KIF1A: variants seen among roughly 807,000 people sequenced by gnomAD.
The protein encoded by KIF1A is kinesin family member 1A.
In KIF1A, 46 loss-of-function variants were observed where a neutral mutation model predicts 227.3. The observed-to-expected ratio is 0.20, with a 90% CI of 0.16 to 0.26. KIF1A has a LOEUF of 0.26. Among genes scored for constraint, KIF1A ranks in the 10% least tolerant of loss-of-function variants. The pLI is 1.00. For missense variants in KIF1A, 1,683 were observed against 2,485.9 expected, an observed-to-expected ratio of 0.68 and a Z score of 6.87; for synonymous variants, 1,022 against 1,012.8, an observed-to-expected ratio of 1.01 and a Z score of -0.17.
chr2:240,747,275 T>A lies in KIF1A; in HGVS notation c.3024A>T (p.Gly1008=). The A allele has an allele frequency of 6.2e-7, 1 of 1,613,496 alleles. No homozygotes were observed. The highest frequency in any genetic ancestry group is 1.3e-5 in the African/African-American group (1 of 75,000). Reference sequence around the variant, plus strand: ...GGTCATCAAAGGAGATTTTAGCAGTTCCCGACTGGCGGACGCCAGAGCCAT... The same window carrying A: ...GGTCATCAAAGGAGATTTTAGCAGTACCCGACTGGCGGACGCCAGAGCCAT... ...PDYGSGVRQS[G]TAKISFDDQH... Residue 1008 remains glycine, a synonymous_variant, in exon 29 of 49, where the codon GGA becomes GGT. Transcript: ENST00000498729.
At position 240,793,946 on chromosome 2, in the gene KIF1A, C is replaced by A. The variant is rs1009435608; in HGVS notation, c.106+3701G>T. ...GCCATCTTCCGAGGGGCCTGGCACA[C>A]CAGCCAGGGCAGCCACTCCCAATTC... On this transcript the variant is annotated intron_variant, in intron 2 of 48. Coordinates refer to ENST00000498729, the MANE Select transcript of KIF1A (RefSeq NM_001244008.2). This position sits in a 1 kb window ranked among gnomAD's most constrained non-coding sequence, Gnocchi z 4.8. 2.6e-5 allele frequency among the ~76,000 whole-genome samples: 4 copies of A among 152,306 alleles called. No individual in the cohort carries two copies. The highest frequency in any genetic ancestry group is 9.6e-5 in the African/African-American group (4 of 41,556).
In KIF1A at chr2:240,793,725, G is replaced by A. The variant is rs780553486; in HGVS notation, c.106+3922C>T. The stretch of plus-strand genomic sequence containing the variant: ...GATTATTTATGCAGGTGATGATTAC[G>A]GGATAACAGTTAAATTTACTTTCAA... On this transcript the variant is annotated intron_variant, in intron 2 of 48. Coordinates refer to ENST00000498729, the MANE Select transcript of KIF1A (RefSeq NM_001244008.2). The surrounding 1 kb of genome is among the most constrained non-coding windows in gnomAD (Gnocchi z 4.8). 1.3e-5 allele frequency among the ~76,000 whole-genome samples: 2 copies of A among 152,222 alleles called. No homozygotes were observed. The highest frequency in any genetic ancestry group is 1.5e-5 in the Non-Finnish European group (1 of 68,046).
At chr2:240,750,363 G>T in intron 28 of KIF1A, 66 bp downstream of exon 28, 1 of 1,234,894 alleles carries the variant, frequency 8.1e-7, no homozygotes, top group Non-Finnish European at 1.2e-6. Context: ...CCACGCCTCT[G>T]CCTGCAAAGG....
At chr2:240,786,813 C>CCCCTGAGTGAGAGGGTGGGGGCCAGTAT (rs2054976021) in intron 5 of KIF1A, among the ~76,000 whole-genome samples, 1 of 129,848 alleles carries the variant, frequency 7.7e-6, no homozygotes, top group Non-Finnish European at 1.7e-5. Context: ...GCCATCAGGA[C>CCCCTGAGTGAGAGGGTGGGGGCCAGTAT]CCCTGAGTGA....
intron 27 of KIF1A, among the ~76,000 whole-genome samples, chr2:240,755,760 C>T (rs2049774308): frequency 6.6e-6 from 1 of 152,198 alleles, no homozygotes. Context: ...AGAGCCCCAC[C>T]CCACTTCTCC....
At chr2:240,769,268 C>A (rs1402317803) in intron 16 of KIF1A, 60 bp from the exon 17 acceptor site, 1 of 1,462,708 alleles carries the variant, frequency 6.8e-7, no homozygotes, top group Non-Finnish European at 9.3e-7. Context: ...CTGGCCTCAG[C>A]CCTGGCTGAC....
chr2:240,799,029 C>T (rs1377598294), intron 1 of KIF1A, among the ~76,000 whole-genome samples: 3 of 152,206 alleles, frequency 2.0e-5, no homozygotes, highest in South Asian at 2.1e-4. Context: ...GTAAGTGCCA[C>T]CCTTGGGGGA....
rs202164471 is a variant in KIF1A at position 240,719,785 on chromosome 2, C to T, written c.5010G>A (p.Glu1670=). 5.7e-6 allele frequency: 9 copies of T among 1,590,228 alleles called. No individual in the cohort carries two copies. Among genetic ancestry groups the T allele is most frequent in the Middle Eastern group, 1.7e-4 (1 of 5,880 alleles). ...PQRLLVPDIQ[E]IRVSPIVSKK... ...GAGGCCCCACACACCTGACTCGGAT[C>T]TCCTGGATGTCAGGGACCAGCAGGC... Residue 1670 remains glutamate (E), a synonymous_variant, in exon 46 of 49, where the codon GAG becomes GAA. Transcript: ENST00000498729.
chr2:240,812,966 T>A (rs2058042526), intron 1 of KIF1A, among the ~76,000 whole-genome samples: 1 of 148,810 alleles, frequency 6.7e-6, no homozygotes, highest in Non-Finnish European at 1.5e-5. Context: ...AGGATCCACC[T>A]TCACCTCGGG....
At chr2:240,718,885 G>T in intron 47 of KIF1A, 121 bp downstream of exon 47, 2 of 777,640 alleles carry the variant, frequency 2.6e-6, no homozygotes, top group South Asian at 3.6e-5. Context: ...CGTGGAACAG[G>T]ACGGAGTCTG....
intron 14 of KIF1A, among the ~76,000 whole-genome samples, chr2:240,772,287 A>G (rs1258111789): frequency 6.6e-6 from 1 of 152,266 alleles, no homozygotes; most frequent in Admixed American, 6.5e-5. Flanking sequence ...GTTTAGCCTG[A>G]GAAGGCCTCA....
At chr2:240,815,981 C>T (rs2058286345) in intron 1 of KIF1A, among the ~76,000 whole-genome samples, 1 of 152,158 alleles carries the variant, frequency 6.6e-6, no homozygotes, top group Admixed American at 6.5e-5. Context: ...TTCCCCACCC[C>T]TGGAAACCTA....
At chr2:240,764,125 T>C (rs1364160799) in intron 20 of KIF1A, among the ~76,000 whole-genome samples, 1 of 152,074 alleles carries the variant, frequency 6.6e-6, no homozygotes. Context: ...TGGGGCCCCA[T>C]AGAGCCGGCT....
At chr2:240,719,236 G>T in intron 46 of KIF1A, 38 bp from the exon 47 acceptor site, 1 of 1,576,436 alleles carries the variant, frequency 6.3e-7, no homozygotes, top group Non-Finnish European at 8.6e-7. Flanking sequence ...GGCCCTCGGT[G>T]GGGGCAGCGA....
rs958443600 is a variant in KIF1A, at chr2:240,754,374, C to T, written c.2858+2945G>A. ...TGGGTGCTCTCCTCTCCCCACTGCC[C>T]GTCCCAGTCTGCCTGGCTCGGTGAT... is the stretch of plus-strand genomic sequence containing the variant. On this transcript the variant is annotated intron_variant, in intron 27 of 48. Transcript: ENST00000498729. Among the ~76,000 whole-genome samples, 7 of 152,202 alleles carry T rather than the reference C, an allele frequency of 4.6e-5. 1 individual carries two copies. The highest frequency in any genetic ancestry group is 9.6e-5 in the African/African-American group (4 of 41,452).
Position 240,752,151 on chromosome 2 carries a change from G to GC in KIF1A, c.2859-1605dup, listed in dbSNP as rs1357786427. Reference sequence around the variant, plus strand: ...TTTTGGGCCCTCTCCCCAGCACAACGCCCCCTCTGAAGATGCCCCCCGAGA... The same window carrying GC: ...TTTTGGGCCCTCTCCCCAGCACAACGCCCCCCTCTGAAGATGCCCCCCGAGA... On this transcript the variant is annotated intron_variant, in intron 27 of 48. Coordinates refer to ENST00000498729, the MANE Select transcript of KIF1A (RefSeq NM_001244008.2). The surrounding 1 kb of genome is among the most constrained non-coding windows in gnomAD (Gnocchi z 6.4). Among the ~76,000 whole-genome samples the GC allele has an allele frequency of 6.6e-6, 1 of 151,682 alleles. No individual in the cohort carries two copies. The highest frequency in any genetic ancestry group is 2.4e-5 in the African/African-American group (1 of 41,278).
At chr2:240,737,246 C>T in intron 37 of KIF1A, 78 bp from the exon 38 acceptor site, 1 of 1,111,152 alleles carries the variant, frequency 9.0e-7, no homozygotes, top group Non-Finnish European at 1.4e-6. Context: ...AGGTGGGGGT[C>T]CTGTCAGCAA....
intron 10 of KIF1A, among the ~76,000 whole-genome samples, chr2:240,780,292 AC>A (rs2126014009): frequency 6.7e-6 from 1 of 150,142 alleles, no homozygotes; most frequent in South Asian, 2.1e-4. Context: ...GCGGCCCCAC[AC>A]CCCTCCACAC....
rs546119195 is a variant in KIF1A, at chr2:240,778,636, C to T, written c.883-2710G>A. On this transcript the variant is annotated intron_variant, in intron 10 of 48. Coordinates refer to ENST00000498729, the MANE Select transcript of KIF1A (RefSeq NM_001244008.2). The surrounding 1 kb of genome is among the most constrained non-coding windows in gnomAD (Gnocchi z 7.2). The stretch of plus-strand genomic sequence containing the variant: ...CCCGTCCCCACACAGCTCCCCACCC[C>T]CTTCCACACACTTCCTCCCGGTTCC... 6.6e-6 allele frequency among the ~76,000 whole-genome samples: 1 copy of T among 151,990 alleles called. No individual in the cohort carries two copies. The highest frequency in any genetic ancestry group is 2.4e-5 in the African/African-American group (1 of 41,414).
Sources: gnomAD v4.1 joint callset for allele counts (sites outside exome capture counted in the v4.1 genomes callset) on GRCh38, gnomAD v4.1.1 for gene constraint, Gnocchi (gnomAD v3.1) non-coding constraint, MANE v1.5 for transcripts, NCBI Gene and HGNC (gene_info 2026-07-23, HGNC 2026-07-21) for gene names.